The following PTAR1 variants were observed in gnomAD, a reference collection of about 807,000 sequenced individuals.
PTAR1 encodes protein prenyltransferase alpha subunit repeat-containing protein 1.
In PTAR1, 17 loss-of-function variants were observed where a neutral mutation model predicts 45.5. The observed-to-expected ratio is 0.37, with a 90% CI of 0.26 to 0.56. The LOEUF (loss-of-function observed/expected upper bound fraction) is 0.56. Among genes scored for constraint, PTAR1 ranks in the 20% least tolerant of loss-of-function variants. The pLI is 0.77. For missense variants in PTAR1, 391 were observed against 476.3 expected (o/e 0.82, Z 1.67); for synonymous variants, 169 against 171.3 (o/e 0.99, Z 0.11).
At position 69,713,616 on chromosome 9, in the gene PTAR1, AAAGT is replaced by A. The variant is rs1431148804; in HGVS notation, c.*4722_*4725del. 6.6e-6 allele frequency: 1 copy of A among 152,114 alleles called. No individual in the cohort carries two copies. The highest frequency in any genetic ancestry group is 1.5e-5 in the Non-Finnish European group (1 of 68,004). The allele number at this position is 152,114 out of a possible 1,614,324, so 9.4% of individuals were successfully genotyped here. ...GAATTTGAGAGGGAAGGAAGGTCCT[AAAGT>A]AAGGCAAAGGATTCATTTAGGACAA... On this transcript the variant is annotated 3_prime_UTR_variant, in exon 8 of 8. Coordinates refer to ENST00000340434, the MANE Select transcript of PTAR1 (RefSeq NM_001099666.2).
At chr9:69,751,085 G>C (rs1408250117) in intron 1 of PTAR1, 135 bp from the exon 2 acceptor site, 6 of 652,818 alleles carry the variant, frequency 9.2e-6, no homozygotes, top group African/African-American at 1.8e-5. Context: ...CACTTACTGG[G>C]ATTGGTAGAT....
Position 69,711,010 on chromosome 9 carries a change from G to A in PTAR1, c.*7332C>T, listed in dbSNP as rs1437964105. The A allele has an allele frequency of 1.3e-5, 2 of 151,874 alleles. No individual in the cohort carries two copies. Among genetic ancestry groups the A allele is most frequent in the African/African-American group, 4.8e-5 (2 of 41,346 alleles). The allele number at this position is 151,874 out of a possible 1,614,324, so 9.4% of individuals were successfully genotyped here. A position where few individuals can be genotyped will look rare whatever the true frequency, so the allele number is the denominator to read the frequency against. ...CCATGTTAAATTATGCAATTGACTAGTGTCCACAAAATTCGAGTCAAAAAA... is the reference window on the plus strand; with the variant it reads ...CCATGTTAAATTATGCAATTGACTAATGTCCACAAAATTCGAGTCAAAAAA... On this transcript the variant is annotated 3_prime_UTR_variant, in exon 8 of 8. Coordinates refer to ENST00000340434, the MANE Select transcript of PTAR1 (RefSeq NM_001099666.2).
chr9:69,735,936 T>C (rs1198368813), intron 3 of PTAR1, among the ~76,000 whole-genome samples: 2 of 148,646 alleles, frequency 1.3e-5, no homozygotes, highest in South Asian at 4.2e-4. Flanking sequence ...CAATTTGTCA[T>C]TATATATATA....
At position 69,715,496 on chromosome 9, in the gene PTAR1, G is replaced by T. The variant is rs1824694364; in HGVS notation, c.*2846C>A. On this transcript the variant is annotated 3_prime_UTR_variant, in exon 8 of 8. Coordinates refer to ENST00000340434, the MANE Select transcript of PTAR1 (RefSeq NM_001099666.2). ...AAGGTACACTAAAGGCGGGGTGAAG[G>T]TGGTGTTGGAGACAGTTACAGAGCT... 6.6e-6 allele frequency: 1 copy of T among 152,156 alleles called. No individual in the cohort carries two copies. Among genetic ancestry groups the T allele is most frequent in the Non-Finnish European group, 1.5e-5 (1 of 68,030 alleles). The allele number at this position is 152,156 out of a possible 1,614,324, so 9.4% of individuals were successfully genotyped here. A position where few individuals can be genotyped will look rare whatever the true frequency, so the allele number is the denominator to read the frequency against.
intron 6 of PTAR1, among the ~76,000 whole-genome samples, chr9:69,721,407 A>C (rs941423842): frequency 1.3e-5 from 2 of 148,992 alleles, no homozygotes; most frequent in African/African-American, 2.6e-5. Flanking sequence ...CCAAAAAACA[A>C]AAAAAAGTGG....
At chr9:69,751,072 G>A (rs1826508191) in intron 1 of PTAR1, 122 bp from the exon 2 acceptor site, 1 of 711,824 alleles carries the variant, frequency 1.4e-6, no homozygotes, top group Admixed American at 3.0e-5. Flanking sequence ...ATATTATTTA[G>A]CTCACTTACT....
chr9:69,737,414 A>G (rs1405441580), intron 3 of PTAR1, among the ~76,000 whole-genome samples: 1 of 152,150 alleles, frequency 6.6e-6, no homozygotes. Context: ...CAACTGCTCT[A>G]ATGTATTCAA....
At chr9:69,748,056 C>T (rs193009321) in intron 2 of PTAR1, among the ~76,000 whole-genome samples, 34 of 152,232 alleles carry the variant, frequency 2.2e-4, no homozygotes, top group Admixed American at 1.8e-3. Flanking sequence ...GCATAATGGA[C>T]ATGGGTCACA....
At chr9:69,752,487 A>T (rs1826575343) in intron 1 of PTAR1, among the ~76,000 whole-genome samples, 1 of 152,116 alleles carries the variant, frequency 6.6e-6, no homozygotes. Flanking sequence ...TTTAACTCTC[A>T]AGAAGACTGT....
chr9:69,751,508 T>C (rs534490076), intron 1 of PTAR1, among the ~76,000 whole-genome samples: 6 of 152,216 alleles, frequency 3.9e-5, no homozygotes, highest in Non-Finnish European at 8.8e-5. Flanking sequence ...CTTTAGAAGA[T>C]ATATAGATGC....
At chr9:69,727,882 T>G (rs538403473) in intron 5 of PTAR1, among the ~76,000 whole-genome samples, 3 of 152,302 alleles carry the variant, frequency 2.0e-5, no homozygotes, top group African/African-American at 7.2e-5. Context: ...TTTTAATATA[T>G]TCACAGAATT....
chr9:69,716,880 GA>G lies in PTAR1; in HGVS notation c.*1461del, dbSNP rs1466030347. 6.6e-6 allele frequency: 1 copy of G among 152,126 alleles called. No individual in the cohort carries two copies. The highest frequency in any genetic ancestry group is 1.9e-4 in the East Asian group (1 of 5,174). The allele number at this position is 152,126 out of a possible 1,614,324, so 9.4% of individuals were successfully genotyped here. The stretch of plus-strand genomic sequence containing the variant: ...TCTTGAAGACACACCCCTGAAGTAA[GA>G]AAGGAAAGGTATACAAAAATGACAC... On this transcript the variant is annotated 3_prime_UTR_variant, in exon 8 of 8. Coordinates refer to ENST00000340434, the MANE Select transcript of PTAR1 (RefSeq NM_001099666.2).
intron 5 of PTAR1, among the ~76,000 whole-genome samples, chr9:69,726,719 T>C (rs73647274): frequency 0.031 from 4,642 of 152,046 alleles, 240 homozygotes; most frequent in African/African-American, 0.1. Context: ...TGTGATTACT[T>C]TTCCTTTGCT....
At chr9:69,750,542 T>C (rs1207066852) in intron 2 of PTAR1, among the ~76,000 whole-genome samples, 1 of 151,614 alleles carries the variant, frequency 6.6e-6, no homozygotes, top group Non-Finnish European at 1.5e-5. Flanking sequence ...TGAACTGCTC[T>C]GGTTACAGGA....
At position 69,718,633 on chromosome 9, in the gene PTAR1, G is replaced by A; in HGVS notation, c.982+17C>T. On this transcript the variant is annotated intron_variant, in intron 7 of 7. Transcript: ENST00000340434. ...TGTCTGCAGGTGACAACTGGGTCAT[G>A]CTGTGAGGAAACCTACCATTTAAGT... is the stretch of plus-strand genomic sequence containing the variant. The A allele has an allele frequency of 6.2e-7, 1 of 1,610,016 alleles. No individual in the cohort carries two copies. Among genetic ancestry groups the A allele is most frequent in the Non-Finnish European group, 8.5e-7 (1 of 1,177,884 alleles).
Position 69,714,865 on chromosome 9 carries a change from A to C in PTAR1, c.*3477T>G, listed in dbSNP as rs941647062. On this transcript the variant is annotated 3_prime_UTR_variant, in exon 8 of 8. Transcript: ENST00000340434. ...GACATTAATACATATCAAATCCCTA[A>C]GCTTAAAAAATGACTCATACAGATT... is the stretch of plus-strand genomic sequence containing the variant. The C allele has an allele frequency of 1.3e-5, 2 of 152,228 alleles. 1 individual carries two copies. The highest frequency in any genetic ancestry group is 2.9e-5 in the Non-Finnish European group (2 of 67,976). The allele number at this position is 152,228 out of a possible 1,614,324, so 9.4% of individuals were successfully genotyped here.
rs1304989482 is a variant in PTAR1 at position 69,711,974 on chromosome 9, C to G, written c.*6368G>C. ...TTATTGAGCATCTACTATAACTGTA[C>G]CCAGTCTTTAACTAATAAGAAAAAA... On this transcript the variant is annotated 3_prime_UTR_variant, in exon 8 of 8. Coordinates refer to ENST00000340434, the MANE Select transcript of PTAR1 (RefSeq NM_001099666.2). 6.6e-6 allele frequency: 1 copy of G among 152,166 alleles called. No individual in the cohort carries two copies. The highest frequency in any genetic ancestry group is 3.4e-3 in the Middle Eastern group (1 of 294). 9.4% of individuals were successfully genotyped at this position (152,166 alleles called of 1,614,324 possible). A position where few individuals can be genotyped will look rare whatever the true frequency, so the allele number is the denominator to read the frequency against.
At chr9:69,728,638 A>G (rs989314500) in intron 5 of PTAR1, among the ~76,000 whole-genome samples, 1 of 152,136 alleles carries the variant, frequency 6.6e-6, no homozygotes, top group South Asian at 2.1e-4. Flanking sequence ...AGAAATGACT[A>G]TATGTGCTTT....
At position 69,715,777 on chromosome 9, in the gene PTAR1, A is replaced by G. The variant is rs768356098; in HGVS notation, c.*2565T>C. 10 of 152,156 alleles carry G rather than the reference A, an allele frequency of 6.6e-5. No homozygotes were observed. Among genetic ancestry groups the G allele is most frequent in the Non-Finnish European group, 1.5e-4 (10 of 68,014 alleles). The allele number at this position is 152,156 out of a possible 1,614,324, so 9.4% of individuals were successfully genotyped here. ...TAACCACTTAGGAAAAAAACCAACC[A>G]TATAGGGCAATATTAGGATTTTCTG... is the stretch of plus-strand genomic sequence containing the variant. On this transcript the variant is annotated 3_prime_UTR_variant, in exon 8 of 8. Transcript: ENST00000340434.
Sources: gnomAD v4.1 joint callset for allele counts (sites outside exome capture counted in the v4.1 genomes callset) on GRCh38, gnomAD v4.1.1 for gene constraint, MANE v1.5 for transcripts, NCBI Gene and HGNC (gene_info 2026-07-23, HGNC 2026-07-21) for gene names.